Variants in TRA2A observed in about 807,000 individuals in gnomAD.
TRA2A encodes the protein transformer 2 alpha homolog.
TRA2A carries 31 observed loss-of-function variants against 45.7 expected under a neutral mutation model. The observed-to-expected ratio is 0.68, with a 90% CI of 0.51 to 0.92. The LOEUF (loss-of-function observed/expected upper bound fraction) is 0.92, where lower values mean the gene tolerates loss of function less well. Ranked by LOEUF, TRA2A falls within the 40% of genes least tolerant of loss-of-function variation. TRA2A has a pLI of 0.00. For missense variants in TRA2A, 304 were observed against 367.5 expected, an observed-to-expected ratio of 0.83 and a Z score of 1.41; for synonymous variants, 132 against 126.2, an observed-to-expected ratio of 1.05 and a Z score of -0.31.
At position 23,505,584 on chromosome 7, in the gene TRA2A, GC is replaced by G. The variant is rs1789289208; in HGVS notation, c.839-16del. The G allele has an allele frequency of 1.4e-4, 24 of 168,232 alleles. No individual in the cohort carries two copies. Among genetic ancestry groups the G allele is most frequent in the South Asian group, 6.8e-4 (5 of 7,306 alleles). 10.4% of individuals were successfully genotyped at this position (168,232 alleles called of 1,614,324 possible). A position where few individuals can be genotyped will look rare whatever the true frequency, so the allele number is the denominator to read the frequency against. On this transcript the variant is annotated splice_polypyrimidine_tract_variant and intron_variant, in intron 7 of 7. Coordinates refer to ENST00000297071, the MANE Select transcript of TRA2A (RefSeq NM_013293.5). ...TCAATAGCGTCCTAAAAGAGAAAAA[GC>G]AAAAAAAAAAAAAAAAAAAAAAAGT...
At chr7:23,520,685 T>A (rs1339871216) in intron 2 of TRA2A, among the ~76,000 whole-genome samples, 8 of 16,134 alleles carry the variant, frequency 5.0e-4, no homozygotes, top group East Asian at 2.7e-3. Context: ...TGTTTTAAAT[T>A]TTTTTTTTTT....
intron 1 of TRA2A, chr7:23,522,556 TAAAAA>T (rs35027244): frequency 2.2e-5 from 3 of 134,494 alleles, no homozygotes; most frequent in Non-Finnish European, 4.7e-5. Context: ...CTAGTTTATT[TAAAAA>T]AAAAAAAAAA....
At chr7:23,520,871 G>C (rs149462029) in intron 2 of TRA2A, among the ~76,000 whole-genome samples, 2,443 of 151,772 alleles carry the variant, frequency 0.016, 77 homozygotes, top group African/African-American at 0.056. Context: ...TTTTGTATTT[G>C]TAGTAGAGGC....
chr7:23,515,159 T>A (rs758532571), intron 3 of TRA2A, among the ~76,000 whole-genome samples: 1 of 152,126 alleles, frequency 6.6e-6, no homozygotes, highest in Non-Finnish European at 1.5e-5. Context: ...TCAAAAAACT[T>A]TGAATATAAC....
chr7:23,514,144 C>T (rs1011683436), intron 3 of TRA2A, among the ~76,000 whole-genome samples: 1 of 151,168 alleles, frequency 6.6e-6, no homozygotes, highest in East Asian at 1.9e-4. Context: ...CTTGGCTCAC[C>T]GCAACCTCCA....
intron 4 of TRA2A, among the ~76,000 whole-genome samples, chr7:23,509,097 A>G (rs1291526478): frequency 6.6e-6 from 1 of 152,144 alleles, no homozygotes; most frequent in Non-Finnish European, 1.5e-5. Flanking sequence ...TCCTCTTGCC[A>G]AAGTGCTGGG....
At chr7:23,531,412 C>T in intron 1 of TRA2A, 1 of 322,148 alleles carries the variant, frequency 3.1e-6, no homozygotes, top group Non-Finnish European at 5.3e-6. Context: ...GCAGGAAGCA[C>T]CTACCACTAT....
chr7:23,513,441 A>C (rs368693862), intron 3 of TRA2A, among the ~76,000 whole-genome samples: 1 of 152,186 alleles, frequency 6.6e-6, no homozygotes, highest in African/African-American at 2.4e-5. Flanking sequence ...AACATGGTGA[A>C]ACCCCATCTC....
At chr7:23,527,894 A>ATTTT (rs1216250400) in intron 1 of TRA2A, among the ~76,000 whole-genome samples, 17 of 152,200 alleles carry the variant, frequency 1.1e-4, no homozygotes, top group African/African-American at 3.9e-4. Context: ...AAATATAAAA[A>ATTTT]TTTGAGATTT....
chr7:23,520,056 G>A (rs929095921), intron 2 of TRA2A, among the ~76,000 whole-genome samples: 3 of 152,092 alleles, frequency 2.0e-5, no homozygotes, highest in Non-Finnish European at 4.4e-5. Context: ...GTGAAACCTC[G>A]TTTCTACTAA....
chr7:23,521,581 G>T, intron 2 of TRA2A, 126 bp downstream of exon 2: 1 of 1,074,920 alleles, frequency 9.3e-7, no homozygotes. Flanking sequence ...CATTTACAAA[G>T]AGCAGTCTGA....
At chr7:23,521,304 T>G (rs1790124143) in intron 2 of TRA2A, among the ~76,000 whole-genome samples, 1 of 152,264 alleles carries the variant, frequency 6.6e-6, no homozygotes, top group Non-Finnish European at 1.5e-5. Flanking sequence ...GCCTTTTTGT[T>G]GTGCAAATAT....
Position 23,516,545 on chromosome 7 carries a change from T to C in TRA2A, c.171-17A>G, listed in dbSNP as rs371790435. The C allele has an allele frequency of 9.9e-6, 16 of 1,612,724 alleles. No individual in the cohort carries two copies. Among genetic ancestry groups the C allele is most frequent in the African/African-American group, 9.3e-5 (7 of 74,870 alleles). Reference sequence around the variant, plus strand: ...GACCTCGACCTTTGAGAGAAATACATTTAGGTAAAAATACTGAAACAAAAT... The same window carrying C: ...GACCTCGACCTTTGAGAGAAATACACTTAGGTAAAAATACTGAAACAAAAT... On this transcript the variant is annotated splice_polypyrimidine_tract_variant and intron_variant, in intron 2 of 7. Coordinates refer to ENST00000297071, the MANE Select transcript of TRA2A (RefSeq NM_013293.5).
chr7:23,517,062 G>A (rs1408991575), intron 2 of TRA2A, among the ~76,000 whole-genome samples: 5 of 151,944 alleles, frequency 3.3e-5, no homozygotes, highest in Non-Finnish European at 5.9e-5. Context: ...CCGAGATTGC[G>A]CCACCGCACT....
chr7:23,526,596 GAAC>G (rs547227745), intron 1 of TRA2A, among the ~76,000 whole-genome samples: 262 of 152,230 alleles, frequency 1.7e-3, no homozygotes, highest in African/African-American at 6.0e-3. Flanking sequence ...CCTATAGAAA[GAAC>G]AACAGTTCTG....
chr7:23,523,302 G>A (rs1408501632), intron 1 of TRA2A, among the ~76,000 whole-genome samples: 1 of 152,046 alleles, frequency 6.6e-6, no homozygotes, highest in Non-Finnish European at 1.5e-5. Flanking sequence ...TGAAAAAATT[G>A]GGTGTAAATC....
chr7:23,506,361 G>C, intron 5 of TRA2A, 95 bp from the exon 6 acceptor site: 1 of 1,354,654 alleles, frequency 7.4e-7, no homozygotes, highest in Non-Finnish European at 9.7e-7. Context: ...AGAAAAGTGA[G>C]GAAGAACATC....
intron 4 of TRA2A, among the ~76,000 whole-genome samples, chr7:23,509,809 G>A (rs1040099831): frequency 1.3e-5 from 2 of 151,922 alleles, no homozygotes; most frequent in African/African-American, 2.4e-5. Context: ...CAAATCACTT[G>A]AGGTCCAGAG....
At chr7:23,522,164 A>G (rs1790162532) in intron 1 of TRA2A, 1 of 1,161,846 alleles carries the variant, frequency 8.6e-7, no homozygotes. Context: ...GATTCTTTTA[A>G]TTCTACTTCA....
Sources: gnomAD v4.1 joint callset for allele counts (sites outside exome capture counted in the v4.1 genomes callset) on GRCh38, gnomAD v4.1.1 for gene constraint, MANE v1.5 for transcripts, NCBI Gene and HGNC (gene_info 2026-07-23, HGNC 2026-07-21) for gene names.